The following CPNE1 variants were observed in gnomAD, a reference collection of about 807,000 sequenced individuals.
The protein encoded by CPNE1 is copine-1.
Under a neutral mutation model 63.2 loss-of-function variants are expected in CPNE1, and 58 were observed. That is an observed-to-expected ratio of 0.92 (90% confidence interval 0.74 to 1.14). The LOEUF (loss-of-function observed/expected upper bound fraction) is 1.14. CPNE1 is among the 50% of genes most tolerant of loss of function. The probability of loss-of-function intolerance (pLI) is 0.00; values close to 1 mark genes in which losing one functional copy is unlikely to be tolerated. For missense variants in CPNE1, 672 were observed against 661.7 expected (o/e 1.02, Z -0.17); for synonymous variants, 237 against 249.0 (o/e 0.95, Z 0.45).
chr20:35,653,948 T>C, intron 1 of CPNE1: 1 of 1,614,156 alleles, frequency 6.2e-7, no homozygotes, highest in Non-Finnish European at 8.5e-7. Context: ...ATATAAATAC[T>C]ATCTTCCACA....
At chr20:35,653,090 C>T (rs1335980165) in intron 1 of CPNE1, 3 of 1,613,874 alleles carry the variant, frequency 1.9e-6, no homozygotes, top group East Asian at 2.2e-5. Context: ...CCAAAGGCCC[C>T]GCCTCCTAAT....
intron 1 of CPNE1, among the ~76,000 whole-genome samples, chr20:35,662,974 T>A (rs561567456): frequency 6.6e-6 from 1 of 152,358 alleles, no homozygotes; most frequent in East Asian, 1.9e-4. Flanking sequence ...AGTAATCACA[T>A]TTAATCGAGC....
Position 35,632,349 on chromosome 20 carries a change from G to C in CPNE1, c.346C>G (p.Leu116Val), listed in dbSNP as rs781779862. ...CGCCCAGCAGGTTTTCCAGGCTTCA[G>C]CATCAAGGGGAGAGTCAGTACCTGG... ...SSQVLTLPLM[L>V]KPGKPAGRGT... is the part of the protein sequence containing the mutation. Residue 116 changes from leucine (L) to valine (V), a missense_variant, in exon 4 of 16, where the codon CTG becomes GTG. Transcript: ENST00000397443. 4.3e-5 allele frequency: 69 copies of C among 1,613,876 alleles called. No homozygotes were observed. The highest frequency in any genetic ancestry group is 1.2e-4 in the Admixed American group (7 of 59,990).
chr20:35,652,895 G>A, intron 1 of CPNE1: 1 of 1,613,634 alleles, frequency 6.2e-7, no homozygotes, highest in Non-Finnish European at 8.5e-7. Flanking sequence ...CCAAGACCAG[G>A]AGGGCCACTT....
At chr20:35,662,918 T>G (rs746963473) in intron 1 of CPNE1, among the ~76,000 whole-genome samples, 18 of 152,350 alleles carry the variant, frequency 1.2e-4, no homozygotes, top group Non-Finnish European at 5.9e-5. Flanking sequence ...TCTAACAGAT[T>G]TGAACATAAA....
intron 13 of CPNE1, 164 bp from the exon 14 acceptor site, chr20:35,627,577 C>T (rs1319442462): frequency 9.6e-6 from 6 of 624,430 alleles, no homozygotes; most frequent in Admixed American, 6.7e-5. Flanking sequence ...CATGAGGAAA[C>T]TAAGGTTCAA....
chr20:35,627,399 C>A lies in CPNE1; in HGVS notation c.1117G>T (p.Val373Leu). The change falls in exon 14 of 16, where the codon GTG becomes TTG. Residue 373 changes from valine to leucine, a missense_variant. Transcript: ENST00000397443. ...NPYCAGIQGI[V>L]DAYRQALPQV... ...GGCAGGGCTTGGCGGTAGGCATCCACAATGCCCTGGATGCCTGCAGAGGAG... is the reference window on the plus strand; with the variant it reads ...GGCAGGGCTTGGCGGTAGGCATCCAAAATGCCCTGGATGCCTGCAGAGGAG... The A allele has an allele frequency of 6.2e-7, 1 of 1,613,958 alleles. No homozygotes were observed. The highest frequency in any genetic ancestry group is 8.5e-7 in the Non-Finnish European group (1 of 1,179,958).
chr20:35,637,391 G>T (rs1190235215), intron 1 of CPNE1, among the ~76,000 whole-genome samples: 1 of 152,014 alleles, frequency 6.6e-6, no homozygotes, highest in Non-Finnish European at 1.5e-5. Flanking sequence ...TGGTAACCCT[G>T]CATCCCTAGA....
At chr20:35,635,477 C>T (rs1302337643) in intron 1 of CPNE1, among the ~76,000 whole-genome samples, 1 of 152,094 alleles carries the variant, frequency 6.6e-6, no homozygotes, top group African/African-American at 2.4e-5. Flanking sequence ...TGTAATCAGG[C>T]AGCACCAAGC....
chr20:35,654,632 AAGGAACTGGGGGAATCGGGGGCACAGG>A, intron 1 of CPNE1: 1 of 1,614,150 alleles, frequency 6.2e-7, no homozygotes, highest in Non-Finnish European at 8.5e-7. Flanking sequence ...GGTGGCACAG[AAGGAACTGGGGGAATCGGGGGCACAGG>A]AGGCACAGGA....
intron 1 of CPNE1, chr20:35,653,110 G>A (rs2033648041): frequency 6.2e-7 from 1 of 1,613,820 alleles, no homozygotes; most frequent in Non-Finnish European, 8.5e-7. Context: ...TCCTGGAGGA[G>A]GGATTGGTGG....
At chr20:35,627,241 T>C in intron 14 of CPNE1, 39 bp downstream of exon 14, 1 of 1,489,456 alleles carries the variant, frequency 6.7e-7, no homozygotes, top group Non-Finnish European at 9.1e-7. Flanking sequence ...AAGGAAGCCC[T>C]TGATTGCCAC....
At chr20:35,638,620 C>T (rs921894192) in intron 1 of CPNE1, among the ~76,000 whole-genome samples, 2 of 152,148 alleles carry the variant, frequency 1.3e-5, no homozygotes, top group African/African-American at 4.8e-5. Flanking sequence ...ACACCTAGCC[C>T]AAGAGCGATT....
intron 1 of CPNE1, among the ~76,000 whole-genome samples, chr20:35,659,724 T>C (rs1368832367): frequency 6.6e-6 from 1 of 152,140 alleles, no homozygotes; most frequent in Non-Finnish European, 1.5e-5. Flanking sequence ...TAAGAGTATA[T>C]CCCAAAATAA....
chr20:35,664,679 C>G (rs2034443069), intron 1 of CPNE1, 81 bp downstream of exon 1: 1 of 152,376 alleles, frequency 6.6e-6, no homozygotes, highest in Non-Finnish European at 1.5e-5. Context: ...TCGAAGGCCT[C>G]CGAAGGCCCC....
At chr20:35,654,850 G>A (rs988506647) in intron 1 of CPNE1, 2 of 1,614,186 alleles carry the variant, frequency 1.2e-6, no homozygotes, top group South Asian at 2.2e-5. Context: ...ATTTGGAGGA[G>A]CTGTTCCTAC....
chr20:35,653,946 A>G, intron 1 of CPNE1: 1 of 1,614,110 alleles, frequency 6.2e-7, no homozygotes, highest in Non-Finnish European at 8.5e-7. Context: ...CTATATAAAT[A>G]CTATCTTCCA....
intron 1 of CPNE1, among the ~76,000 whole-genome samples, chr20:35,639,336 G>C (rs539243180): frequency 2.0e-5 from 3 of 152,084 alleles, no homozygotes; most frequent in Admixed American, 2.0e-4. Context: ...AAATGTTGGG[G>C]AAACTATTAT....
At chr20:35,629,595 T>C (rs191417357) in intron 13 of CPNE1, among the ~76,000 whole-genome samples, 5 of 152,112 alleles carry the variant, frequency 3.3e-5, no homozygotes, top group African/African-American at 1.2e-4. Context: ...TTCCTATGTT[T>C]AGTCTTATGA....
Sources: gnomAD v4.1 joint callset for allele counts (sites outside exome capture counted in the v4.1 genomes callset) on GRCh38, gnomAD v4.1.1 for gene constraint, MANE v1.5 for transcripts, NCBI Gene and HGNC (gene_info 2026-07-23, HGNC 2026-07-21) for gene names.